KAZN: variants seen among roughly 807,000 people sequenced by gnomAD.
The protein encoded by KAZN is kazrin, periplakin interacting protein, also known as kazrin.
In KAZN, 40 loss-of-function variants were observed where a neutral mutation model predicts 87.4. That is an observed-to-expected ratio of 0.46 (90% CI 0.36 to 0.60). The LOEUF (loss-of-function observed/expected upper bound fraction) is 0.60. KAZN is among the 20% of genes least tolerant of loss of function. The probability of loss-of-function intolerance (pLI) is 0.00; values close to 1 mark genes in which losing one functional copy is unlikely to be tolerated. For missense variants in KAZN, 898 were observed against 1,073.9 expected, an observed-to-expected ratio of 0.84 and a Z score of 2.29; for synonymous variants, 466 against 458.3, an observed-to-expected ratio of 1.02 and a Z score of -0.22.
At chr1:14,149,047 C>T (rs1645412692) in intron 1 of KAZN, among the ~76,000 whole-genome samples, 2 of 141,214 alleles carry the variant, frequency 1.4e-5, no homozygotes, top group South Asian at 4.6e-4. Flanking sequence ...GCCTGCCTGC[C>T]TGCCTGCCTT....
At chr1:14,175,995 G>A (rs1370563122) in intron 1 of KAZN, among the ~76,000 whole-genome samples, 2 of 152,142 alleles carry the variant, frequency 1.3e-5, no homozygotes, top group African/African-American at 4.8e-5. Context: ...ACATACAGGG[G>A]ATATACACAG....
At chr1:14,776,412 C>T (rs1645176804) in intron 1 of KAZN, among the ~76,000 whole-genome samples, 1 of 152,218 alleles carries the variant, frequency 6.6e-6, no homozygotes, top group Non-Finnish European at 1.5e-5. Flanking sequence ...AGGCACATGA[C>T]CCAGACCCCT....
chr1:14,661,744 C>T (rs1473551290), intron 1 of KAZN, among the ~76,000 whole-genome samples: 3 of 151,926 alleles, frequency 2.0e-5, no homozygotes, highest in Non-Finnish European at 4.4e-5. Context: ...GCAAAACCCC[C>T]GTCTCTACTG....
At chr1:14,830,097 T>C (rs1037296842) in intron 1 of KAZN, among the ~76,000 whole-genome samples, 17 of 152,208 alleles carry the variant, frequency 1.1e-4, no homozygotes, top group Non-Finnish European at 2.2e-4. Flanking sequence ...TAGCTACATA[T>C]TATTAAAAAG....
At chr1:14,392,064 C>T (rs189333314) in intron 2 of KAZN, among the ~76,000 whole-genome samples, 39 of 145,144 alleles carry the variant, frequency 2.7e-4, no homozygotes, top group African/African-American at 9.5e-4. Flanking sequence ...CCAGCAGGAA[C>T]AACAGATTCC....
At chr1:15,051,643 A>G (rs866640766) in intron 4 of KAZN, among the ~76,000 whole-genome samples, 1 of 152,214 alleles carries the variant, frequency 6.6e-6, no homozygotes, top group Non-Finnish European at 1.5e-5. Flanking sequence ...AGCTGGAGGA[A>G]CGAAGGCACG....
At chr1:14,865,979 C>T (rs1042015653) in intron 1 of KAZN, among the ~76,000 whole-genome samples, 5 of 152,046 alleles carry the variant, frequency 3.3e-5, no homozygotes, top group South Asian at 2.1e-4. Context: ...ACAGCCCTGC[C>T]GACACCTCGA....
chr1:14,292,928 G>A (rs1653828540), intron 2 of KAZN, among the ~76,000 whole-genome samples: 1 of 152,198 alleles, frequency 6.6e-6, no homozygotes, highest in South Asian at 2.1e-4. Context: ...GAATACCACA[G>A]GCATGTACAG....
At chr1:13,985,642 A>C (rs1638982294) in intron 1 of KAZN, among the ~76,000 whole-genome samples, 1 of 146,652 alleles carries the variant, frequency 6.8e-6, no homozygotes, top group African/African-American at 2.5e-5. Flanking sequence ...TCATCCCTCC[A>C]AAAAAAAAAC....
At chr1:14,868,999 G>T (rs1206614818) in intron 1 of KAZN, among the ~76,000 whole-genome samples, 1 of 152,154 alleles carries the variant, frequency 6.6e-6, no homozygotes, top group African/African-American at 2.4e-5. Context: ...TGGGGGCCCC[G>T]GTGGTATTGT....
At chr1:14,747,810 T>G (rs1344818642) in intron 1 of KAZN, among the ~76,000 whole-genome samples, 1 of 152,188 alleles carries the variant, frequency 6.6e-6, no homozygotes, top group African/African-American at 2.4e-5. Flanking sequence ...GCTGCACCAT[T>G]GCACATTCTC....
At position 13,994,664 on chromosome 1, in the gene KAZN, G is replaced by T. The variant is rs1570476064; in HGVS notation, c.91+100908G>T. 3.9e-5 allele frequency among the ~76,000 whole-genome samples: 6 copies of T among 152,306 alleles called. 1 individual carries two copies. In the South Asian group the frequency reaches 1.0e-3, roughly 26 times the overall value. On this transcript the variant is annotated intron_variant, in intron 1 of 16. Coordinates refer to the KAZN transcript ENST00000636203. ...TAAATGTAACCAGACGGTTCTATGA[G>T]AATTTATCCCTAAACAGCCTGACCT...
chr1:14,739,206 A>C (rs2100419375), intron 1 of KAZN, among the ~76,000 whole-genome samples: 1 of 152,276 alleles, frequency 6.6e-6, no homozygotes, highest in South Asian at 2.1e-4. Context: ...CACTAAGCCC[A>C]TCTAGCGTTA....
At chr1:14,221,923 AG>A (rs932282782) in intron 2 of KAZN, 8 of 152,176 alleles carry the variant, frequency 5.3e-5, no homozygotes, top group African/African-American at 1.9e-4. Flanking sequence ...ACTTGATGAA[AG>A]GGAAGGTAGA....
chr1:13,945,651 A>AT lies in KAZN; in HGVS notation c.91+51902dup, dbSNP rs1347920167. Among the ~76,000 whole-genome samples the AT allele has an allele frequency of 7.6e-5, 11 of 143,800 alleles. No individual in the cohort carries two copies. In the South Asian group the frequency reaches 1.6e-3, roughly 20 times the overall value. 94.3% of individuals were successfully genotyped at this position (143,800 alleles called of 152,430 possible). The stretch of plus-strand genomic sequence containing the variant: ...TTTAACACAGCTGTTCCATAGGATG[A>AT]TTTTTTTAAATGACATTTGCTCTCA... On this transcript the variant is annotated intron_variant, in intron 1 of 16. Transcript: ENST00000636203.
chr1:14,013,825 A>T (rs1049513641), intron 1 of KAZN, among the ~76,000 whole-genome samples: 6 of 152,180 alleles, frequency 3.9e-5, no homozygotes, highest in Non-Finnish European at 8.8e-5. Context: ...GAGAGACAAG[A>T]TTCTGATTTG....
intron 2 of KAZN, among the ~76,000 whole-genome samples, chr1:14,269,232 A>G (rs1054791493): frequency 2.6e-5 from 4 of 152,154 alleles, no homozygotes; most frequent in African/African-American, 4.8e-5. Flanking sequence ...ATAAACAGAT[A>G]CACAATGTAT....
intron 2 of KAZN, among the ~76,000 whole-genome samples, chr1:14,314,530 G>A (rs111227299): frequency 0.022 from 3,275 of 152,168 alleles, 125 homozygotes; most frequent in African/African-American, 0.075. Context: ...CTTTTGGCAC[G>A]GGATGGGCCT....
At chr1:15,071,616 A>C (rs892908916) in intron 8 of KAZN, among the ~76,000 whole-genome samples, 1 of 152,212 alleles carries the variant, frequency 6.6e-6, no homozygotes, top group African/African-American at 2.4e-5. Context: ...CCGTGGCTGG[A>C]AAATATGCAA....
Sources: gnomAD v4.1 joint callset for allele counts (sites outside exome capture counted in the v4.1 genomes callset) on GRCh38, gnomAD v4.1.1 for gene constraint, MANE v1.5 for transcripts, NCBI Gene and HGNC (gene_info 2026-07-23, HGNC 2026-07-21) for gene names.